The following PLD1 variants were observed in gnomAD, a reference collection of about 807,000 sequenced individuals.
The protein encoded by PLD1 is choline phosphatase 1.
Under a neutral mutation model 137.1 loss-of-function variants are expected in PLD1, and 112 were observed. The observed-to-expected ratio is 0.82, with a 90% CI of 0.70 to 0.96. PLD1 has a LOEUF of 0.96. Among genes scored for constraint, PLD1 ranks in the 40% least tolerant of loss-of-function variants. The probability of loss-of-function intolerance (pLI) is 0.00; values close to 1 mark genes in which losing one functional copy is unlikely to be tolerated. For missense variants in PLD1, 1,321 were observed against 1,342.0 expected, an observed-to-expected ratio of 0.98 and a Z score of 0.24; for synonymous variants, 431 against 454.7, an observed-to-expected ratio of 0.95 and a Z score of 0.66.
chr3:171,699,947 G>C, intron 11 of PLD1, 121 bp from the exon 12 acceptor site: 1 of 728,608 alleles, frequency 1.4e-6, no homozygotes, highest in Non-Finnish European at 2.4e-6. Flanking sequence ...CATTGTGATG[G>C]GTAATCCAAA....
chr3:171,693,308 T>C (rs1421049512), intron 12 of PLD1, among the ~76,000 whole-genome samples: 1 of 152,112 alleles, frequency 6.6e-6, no homozygotes, highest in African/African-American at 2.4e-5. Flanking sequence ...ACATTACCCA[T>C]CTCATCTGAA....
chr3:171,637,612 T>C (rs1027731999), intron 23 of PLD1, among the ~76,000 whole-genome samples: 2 of 152,314 alleles, frequency 1.3e-5, no homozygotes, highest in African/African-American at 2.4e-5. Context: ...AGTATAGTAA[T>C]ACATTGCTTA....
chr3:171,691,439 T>G (rs1303408005), intron 13 of PLD1, among the ~76,000 whole-genome samples: 1 of 152,228 alleles, frequency 6.6e-6, no homozygotes, highest in African/African-American at 2.4e-5. Flanking sequence ...AGTGACATGT[T>G]TAAATTCCTT....
At chr3:171,654,587 G>A (rs1737040627) in intron 21 of PLD1, among the ~76,000 whole-genome samples, 1 of 152,114 alleles carries the variant, frequency 6.6e-6, no homozygotes, top group South Asian at 2.1e-4. Context: ...GGCACACAGT[G>A]TTTAAAAATG....
chr3:171,733,420 C>A (rs202163040), intron 6 of PLD1, 24 bp downstream of exon 6: 6 of 947,042 alleles, frequency 6.3e-6, no homozygotes, highest in African/African-American at 5.0e-5. Flanking sequence ...TTACTCCAAA[C>A]TTAAATCACT....
chr3:171,615,219 G>T (rs747661827), intron 24 of PLD1, among the ~76,000 whole-genome samples: 17 of 152,146 alleles, frequency 1.1e-4, no homozygotes, highest in Non-Finnish European at 1.9e-4. Context: ...GATCTAGAAA[G>T]ATACACACTG....
intron 21 of PLD1, 84 bp downstream of exon 21, chr3:171,659,129 A>G (rs1737448485): frequency 2.2e-6 from 2 of 892,944 alleles, no homozygotes; most frequent in Non-Finnish European, 3.8e-6. Flanking sequence ...AAATGACAGT[A>G]CTTTAAAAAT....
intron 20 of PLD1, 45 bp from the exon 21 acceptor site, chr3:171,659,346 A>AC: frequency 8.3e-7 from 1 of 1,208,964 alleles, no homozygotes; most frequent in Non-Finnish European, 1.2e-6. Context: ...TTATTTTCTT[A>AC]GCAATATACG....
rs1304940488 is a variant in PLD1, at chr3:171,770,692, G to A, written c.-31-32610C>T. ...AGCCCTGGGGTTGGAGACCAGCCTGGGCAACATGGCAAAACCTGGTCTCTA... is the reference window on the plus strand; with the variant it reads ...AGCCCTGGGGTTGGAGACCAGCCTGAGCAACATGGCAAAACCTGGTCTCTA... On this transcript the variant is annotated intron_variant, in intron 1 of 26. Transcript: ENST00000351298. 4.0e-5 allele frequency among the ~76,000 whole-genome samples: 6 copies of A among 151,600 alleles called. No individual in the cohort carries two copies. In the East Asian group the frequency reaches 1.2e-3, roughly 29 times the overall value.
intron 1 of PLD1, among the ~76,000 whole-genome samples, chr3:171,773,772 G>A (rs1172972915): frequency 2.9e-5 from 4 of 140,236 alleles, no homozygotes; most frequent in Admixed American, 1.3e-4. Flanking sequence ...TGTTTGAGAC[G>A]GAGTCTCGCT....
At chr3:171,656,935 G>C (rs1310342383) in intron 21 of PLD1, among the ~76,000 whole-genome samples, 1 of 152,200 alleles carries the variant, frequency 6.6e-6, no homozygotes, top group East Asian at 1.9e-4. Context: ...GGTCAATAGG[G>C]GAAGGGAACT....
intron 13 of PLD1, among the ~76,000 whole-genome samples, chr3:171,692,067 A>C (rs1471178300): frequency 6.6e-6 from 1 of 152,172 alleles, no homozygotes; most frequent in Non-Finnish European, 1.5e-5. Flanking sequence ...GAATATCAAA[A>C]CAACTGCAGG....
intron 21 of PLD1, among the ~76,000 whole-genome samples, chr3:171,651,149 G>A (rs796161317): frequency 8.5e-5 from 13 of 152,276 alleles, no homozygotes; most frequent in African/African-American, 2.6e-4. Flanking sequence ...AGAAGGCCCC[G>A]AGGAAGCTTG....
chr3:171,699,348 T>C (rs78539579), intron 12 of PLD1, among the ~76,000 whole-genome samples: 5,097 of 152,266 alleles, frequency 0.033, 313 homozygotes, highest in African/African-American at 0.12. Flanking sequence ...ATTAGCCCCA[T>C]CTAGCTGAAA....
intron 1 of PLD1, among the ~76,000 whole-genome samples, chr3:171,799,354 A>G (rs1723557462): frequency 6.6e-6 from 1 of 151,196 alleles, no homozygotes; most frequent in African/African-American, 2.4e-5. Context: ...AAAAAAAAAA[A>G]AAAAAAAAGA....
chr3:171,628,218 G>A (rs1444877292), intron 23 of PLD1, among the ~76,000 whole-genome samples: 1 of 152,178 alleles, frequency 6.6e-6, no homozygotes, highest in Non-Finnish European at 1.5e-5. Context: ...TAACATCAGA[G>A]AATACTACAA....
chr3:171,644,806 T>C, intron 22 of PLD1, 104 bp downstream of exon 22: 1 of 742,482 alleles, frequency 1.3e-6, no homozygotes, highest in South Asian at 1.5e-5. Flanking sequence ...GTTCATTTGT[T>C]CCCCACTCCA....
Position 171,600,866 on chromosome 3 carries a change from T to A in PLD1, c.*2212A>T, listed in dbSNP as rs1481790233. Reference sequence around the variant, plus strand: ...CTCTCTCCTTCACCTTGTTTATTAATTCTACAAGCATTTATTGCCATCTCC... The same window carrying A: ...CTCTCTCCTTCACCTTGTTTATTAAATCTACAAGCATTTATTGCCATCTCC... On this transcript the variant is annotated 3_prime_UTR_variant, in exon 27 of 27. Transcript: ENST00000351298. The A allele has an allele frequency of 1.3e-5, 2 of 152,218 alleles. No individual in the cohort carries two copies. Among genetic ancestry groups the A allele is most frequent in the Non-Finnish European group, 2.9e-5 (2 of 68,032 alleles). 9.4% of individuals were successfully genotyped at this position (152,218 alleles called of 1,614,324 possible).
At chr3:171,753,706 C>T (rs1050023860) in intron 1 of PLD1, among the ~76,000 whole-genome samples, 5 of 151,962 alleles carry the variant, frequency 3.3e-5, no homozygotes, top group East Asian at 1.9e-4. Flanking sequence ...TGCTTGTTTC[C>T]AACCGTCCTC....
Sources: gnomAD v4.1 joint callset for allele counts (sites outside exome capture counted in the v4.1 genomes callset) on GRCh38, gnomAD v4.1.1 for gene constraint, MANE v1.5 for transcripts, NCBI Gene and HGNC (gene_info 2026-07-23, HGNC 2026-07-21) for gene names.